TMEM62: variants seen among roughly 807,000 people sequenced by gnomAD.
The protein encoded by TMEM62 is transmembrane protein 62.
TMEM62 carries 41 observed loss-of-function variants against 70.4 expected under a neutral mutation model. The observed-to-expected ratio is 0.58, with a 90% CI of 0.45 to 0.76. The LOEUF is 0.76. Ranked by LOEUF, TMEM62 falls within the 30% of genes least tolerant of loss-of-function variation. The probability of loss-of-function intolerance (pLI) is 0.00; values close to 1 mark genes in which losing one functional copy is unlikely to be tolerated. For missense variants in TMEM62, 688 were observed against 788.5 expected (o/e 0.87, Z 1.53); for synonymous variants, 268 against 291.0 (o/e 0.92, Z 0.80).
intron 4 of TMEM62, among the ~76,000 whole-genome samples, chr15:43,145,142 T>A (rs1412550496): frequency 1.5e-5 from 2 of 137,494 alleles, no homozygotes; most frequent in Admixed American, 1.5e-4. Flanking sequence ...TAACTGAACA[T>A]AAAATAAGCA....
intron 10 of TMEM62, among the ~76,000 whole-genome samples, chr15:43,165,434 T>C (rs2039278538): frequency 6.6e-6 from 1 of 152,188 alleles, no homozygotes; most frequent in African/African-American, 2.4e-5. Flanking sequence ...ATGTCTTCAT[T>C]AAATTTCTGT....
In TMEM62 at chr15:43,166,833, C is replaced by T. The variant is rs2039480650; in HGVS notation, c.1297-2760C>T. On this transcript the variant is annotated intron_variant, in intron 10 of 13. Transcript: ENST00000260403. ...CCCTGAGTGGATACACCACATGTTT[C>T]AGAGAGCACAGGGTTGGGGGTAAGG... Among the ~76,000 whole-genome samples, 5 of 152,170 alleles carry T rather than the reference C, an allele frequency of 3.3e-5. No homozygotes were observed. The South Asian group carries it at 1.0e-3, about 31-fold the overall frequency.
chr15:43,140,917 C>T (rs2035915813), intron 4 of TMEM62, among the ~76,000 whole-genome samples: 1 of 152,182 alleles, frequency 6.6e-6, no homozygotes, highest in Admixed American at 6.5e-5. Context: ...TGTCATTTGC[C>T]ACCAGGAAGA....
intron 11 of TMEM62, among the ~76,000 whole-genome samples, chr15:43,172,271 C>G (rs1045526655): frequency 1.3e-5 from 2 of 152,032 alleles, no homozygotes; most frequent in Non-Finnish European, 2.9e-5. Flanking sequence ...ATGAAAAGTT[C>G]ATTTATAAAT....
intron 8 of TMEM62, among the ~76,000 whole-genome samples, chr15:43,152,320 C>T (rs2037496489): frequency 6.6e-6 from 1 of 151,720 alleles, no homozygotes; most frequent in Admixed American, 6.6e-5. Context: ...GTTATGTAGC[C>T]TTCTAAGAAA....
intron 10 of TMEM62, among the ~76,000 whole-genome samples, chr15:43,164,606 T>C (rs1055061384): frequency 7.2e-5 from 11 of 152,128 alleles, no homozygotes; most frequent in Admixed American, 6.6e-4. Context: ...GCAATCCTCC[T>C]GCCTCGGCCT....
At chr15:43,181,795 C>A (rs1484641136) in intron 13 of TMEM62, among the ~76,000 whole-genome samples, 1 of 152,200 alleles carries the variant, frequency 6.6e-6, no homozygotes, top group East Asian at 1.9e-4. Context: ...AGCCACCATG[C>A]CTAGCCTAAA....
At chr15:43,171,520 A>G (rs1319787152) in intron 11 of TMEM62, among the ~76,000 whole-genome samples, 2 of 151,792 alleles carry the variant, frequency 1.3e-5, no homozygotes, top group African/African-American at 4.9e-5. Flanking sequence ...ATTTTACCAT[A>G]AGACAAAAAA....
intron 3 of TMEM62, 104 bp downstream of exon 3, chr15:43,135,753 CA>C: frequency 7.6e-7 from 1 of 1,313,628 alleles, no homozygotes; most frequent in Non-Finnish European, 1.0e-6. Flanking sequence ...GGGACATTTA[CA>C]TATACTAAAG....
chr15:43,135,697 C>T (rs754435769), intron 3 of TMEM62, 48 bp downstream of exon 3: 1 of 1,517,316 alleles, frequency 6.6e-7, no homozygotes, highest in Non-Finnish European at 8.8e-7. Flanking sequence ...TTTTTTCCCC[C>T]TTCAGGAACC....
At chr15:43,156,882 A>G (rs1404695591) in intron 9 of TMEM62, among the ~76,000 whole-genome samples, 1 of 152,130 alleles carries the variant, frequency 6.6e-6, no homozygotes, top group Non-Finnish European at 1.5e-5. Flanking sequence ...GTTTTCTTGT[A>G]TCCTTTGCAA....
rs545958304 is a variant in TMEM62, at chr15:43,151,891, A to G, written c.968A>G (p.Tyr323Cys). ...ATCACCAATCCTAAATCACTCCTTT[A>G]TAGTTGTGGTGAACATGAACCACTA... ...VLITNPKSLL[Y>C]SCGEHEPLER... is the part of the protein sequence containing the mutation. Residue 323 changes from tyrosine (Y) to cysteine (C), a missense_variant, in exon 8 of 14, where the codon TAT becomes TGT. Tyr to Cys is a radical substitution (Grantham distance 194). Coordinates refer to ENST00000260403, the MANE Select transcript of TMEM62 (RefSeq NM_024956.4). 1.2e-6 allele frequency: 2 copies of G among 1,613,712 alleles called. No homozygotes were observed. Among genetic ancestry groups the G allele is most frequent in the African/African-American group, 2.7e-5 (2 of 75,032 alleles).
At chr15:43,176,377 C>T (rs1212636157) in intron 11 of TMEM62, among the ~76,000 whole-genome samples, 1 of 152,228 alleles carries the variant, frequency 6.6e-6, no homozygotes, top group Non-Finnish European at 1.5e-5. Context: ...GGGCAGACTG[C>T]CTCCTCAAGT....
At chr15:43,168,244 C>T (rs2039804848) in intron 10 of TMEM62, among the ~76,000 whole-genome samples, 1 of 150,062 alleles carries the variant, frequency 6.7e-6, no homozygotes. Flanking sequence ...CCTCACTTTT[C>T]CCCAAGCAGA....
At chr15:43,156,919 A>G (rs181102893) in intron 9 of TMEM62, among the ~76,000 whole-genome samples, 9 of 152,204 alleles carry the variant, frequency 5.9e-5, no homozygotes, top group Admixed American at 5.9e-4. Context: ...CCTCATTCTC[A>G]GGCAAGGACT....
chr15:43,151,356 A>G (rs2037362813), intron 7 of TMEM62, among the ~76,000 whole-genome samples: 1 of 152,032 alleles, frequency 6.6e-6, no homozygotes, highest in African/African-American at 2.4e-5. Flanking sequence ...GGTTTAAAAG[A>G]AGCATGAAAG....
intron 9 of TMEM62, among the ~76,000 whole-genome samples, chr15:43,157,771 A>G (rs1596282583): frequency 6.6e-6 from 1 of 152,216 alleles, no homozygotes; most frequent in Admixed American, 6.5e-5. Flanking sequence ...ACCATATCAT[A>G]CCTGGAAGAC....
intron 11 of TMEM62, among the ~76,000 whole-genome samples, chr15:43,174,366 G>A (rs1329824782): frequency 6.6e-6 from 1 of 152,122 alleles, no homozygotes; most frequent in Non-Finnish European, 1.5e-5. Context: ...ATGATTAACT[G>A]AATAGGTACA....
intron 13 of TMEM62, among the ~76,000 whole-genome samples, chr15:43,183,012 C>T (rs1288712413): frequency 1.3e-5 from 2 of 152,198 alleles, no homozygotes; most frequent in African/African-American, 4.8e-5. Flanking sequence ...TAACAGGCAT[C>T]TCAACTTCAT....
Sources: gnomAD v4.1 joint callset for allele counts (sites outside exome capture counted in the v4.1 genomes callset) on GRCh38, gnomAD v4.1.1 for gene constraint, MANE v1.5 for transcripts, NCBI Gene and HGNC (gene_info 2026-07-23, HGNC 2026-07-21) for gene names.